TRPM7: variants seen among roughly 807,000 people sequenced by gnomAD.
TRPM7 encodes LTRPC ion channel family member 7.
A neutral mutation model predicts 229.7 loss-of-function variants in TRPM7; 134 were observed. That is an observed-to-expected ratio of 0.58 (90% CI 0.51 to 0.67). The LOEUF is 0.67. Ranked by LOEUF, TRPM7 falls within the 30% of genes least tolerant of loss-of-function variation. The probability of loss-of-function intolerance (pLI) is 0.00; values close to 1 mark genes in which losing one functional copy is unlikely to be tolerated. For synonymous variants in TRPM7, 699 were observed against 715.2 expected, an observed-to-expected ratio of 0.98 and a Z score of 0.36; for missense variants, 1,901 against 2,210.0, an observed-to-expected ratio of 0.86 and a Z score of 2.80.
At chr15:50,582,976 A>G in intron 29 of TRPM7, 113 bp downstream of exon 29, 1 of 718,824 alleles carries the variant, frequency 1.4e-6, no homozygotes, top group East Asian at 3.4e-5. Flanking sequence ...TTTTCTTAAG[A>G]AAAATTTTTT....
chr15:50,586,784 C>T (rs112772920), intron 27 of TRPM7, among the ~76,000 whole-genome samples: 5,346 of 152,088 alleles, frequency 0.035, 309 homozygotes, highest in African/African-American at 0.12. Flanking sequence ...TTTGGGAGGT[C>T]GAGGCGGGCG....
intron 13 of TRPM7, among the ~76,000 whole-genome samples, chr15:50,618,924 C>G (rs1172857855): frequency 1.3e-5 from 2 of 152,144 alleles, no homozygotes; most frequent in African/African-American, 4.8e-5. Context: ...TCCATTCACA[C>G]TGCTGCAAAG....
At chr15:50,593,590 C>A (rs1278832758) in intron 25 of TRPM7, 27 bp downstream of exon 25, 1 of 1,599,300 alleles carries the variant, frequency 6.3e-7, no homozygotes, top group Non-Finnish European at 8.5e-7. Flanking sequence ...TGACATATAA[C>A]CGATTTTAAC....
chr15:50,571,347 C>G (rs2053875737), intron 36 of TRPM7, among the ~76,000 whole-genome samples: 1 of 152,192 alleles, frequency 6.6e-6, no homozygotes, highest in South Asian at 2.1e-4. Context: ...GTACTAATCT[C>G]TTTTCTACAC....
rs944215975 is a variant in TRPM7, at chr15:50,604,818, T to A, written c.2988+48A>T. 48 of 1,498,470 alleles carry A rather than the reference T, an allele frequency of 3.2e-5. 1 individual carries two copies. Among genetic ancestry groups the A allele is most frequent in the Middle Eastern group, 3.6e-4 (2 of 5,608 alleles). 92.8% of individuals were successfully genotyped at this position (1,498,470 alleles called of 1,614,324 possible). A position where few individuals can be genotyped will look rare whatever the true frequency, so the allele number is the denominator to read the frequency against. On this transcript the variant is annotated intron_variant, in intron 21 of 38. Transcript: ENST00000646667. ...TGTTAATAACATTTTTGTGATTTTT[T>A]AAAAAATCAATAAACCCACGAGTAT...
At chr15:50,602,987 A>C (rs1224290969) in intron 21 of TRPM7, among the ~76,000 whole-genome samples, 1 of 152,218 alleles carries the variant, frequency 6.6e-6, no homozygotes, top group African/African-American at 2.4e-5. Context: ...GGTAAGCATA[A>C]GAGCTACAAC....
chr15:50,616,108 A>C (rs978838659), intron 13 of TRPM7, among the ~76,000 whole-genome samples: 1 of 152,184 alleles, frequency 6.6e-6, no homozygotes, highest in Admixed American at 6.5e-5. Context: ...AAAACCACAA[A>C]TGCCATTATA....
intron 3 of TRPM7, among the ~76,000 whole-genome samples, chr15:50,655,217 C>T (rs1659317639): frequency 6.6e-6 from 1 of 151,450 alleles, no homozygotes; most frequent in South Asian, 2.1e-4. Flanking sequence ...GGGCGAATCA[C>T]GAGGTCAGGA....
chr15:50,593,854 A>T (rs2059566877), intron 24 of TRPM7, 105 bp from the exon 25 acceptor site: 1 of 1,143,970 alleles, frequency 8.7e-7, no homozygotes, highest in African/African-American at 1.6e-5. Flanking sequence ...TACATCCATC[A>T]TCTGCACTTT....
intron 17 of TRPM7, among the ~76,000 whole-genome samples, chr15:50,610,222 A>AATT (rs1020456032): frequency 2.0e-5 from 3 of 152,070 alleles, no homozygotes; most frequent in African/African-American, 7.2e-5. Flanking sequence ...TAGATTTAAT[A>AATT]ATTATTATAG....
intron 1 of TRPM7, among the ~76,000 whole-genome samples, chr15:50,668,101 T>C (rs1283054577): frequency 6.6e-6 from 1 of 152,210 alleles, no homozygotes; most frequent in Non-Finnish European, 1.5e-5. Context: ...CATACAACTG[T>C]TGTCATGTTT....
At chr15:50,645,369 C>CTT (rs375721607) in intron 4 of TRPM7, among the ~76,000 whole-genome samples, 1 of 147,258 alleles carries the variant, frequency 6.8e-6, no homozygotes, top group African/African-American at 2.5e-5. Flanking sequence ...AGGATTTGTT[C>CTT]TTTTTTTTTT....
chr15:50,586,009 A>T (rs75369569), intron 28 of TRPM7, among the ~76,000 whole-genome samples: 7 of 103,092 alleles, frequency 6.8e-5, no homozygotes, highest in Admixed American at 3.0e-4. Flanking sequence ...AAATTTTCAG[A>T]GTGTGTGTAT....
chr15:50,572,555 A>C (rs908745867), intron 36 of TRPM7, among the ~76,000 whole-genome samples: 36 of 152,354 alleles, frequency 2.4e-4, no homozygotes, highest in African/African-American at 8.2e-4. Context: ...AATCCAAAAA[A>C]TTCATGTGAT....
intron 27 of TRPM7, among the ~76,000 whole-genome samples, chr15:50,587,324 T>A (rs2059369260): frequency 6.6e-6 from 1 of 151,734 alleles, no homozygotes; most frequent in Non-Finnish European, 1.5e-5. Context: ...GGTACTTAAA[T>A]CTCTACATTT....
Position 50,609,809 on chromosome 15 carries a change from G to T in TRPM7, c.2433C>A (p.Pro811=), listed in dbSNP as rs376197498. 2.5e-6 allele frequency: 4 copies of T among 1,607,904 alleles called. No individual in the cohort carries two copies. In the African/African-American group the frequency reaches 4.0e-5, roughly 16 times the overall value. ...TTTAAAATGTTTTCCTGCTTACCAT[G>T]GGGATCTCTTCTGTTATGTTCTGAA... ...NNFQNITEEI[P]MEVFKEVRIL... Residue 811 remains proline (P), a synonymous_variant, in exon 18 of 39, where the codon CCC becomes CCA. Coordinates refer to ENST00000646667, the MANE Select transcript of TRPM7 (RefSeq NM_017672.6).
At chr15:50,612,480 G>C in intron 16 of TRPM7, 69 bp downstream of exon 16, 1 of 1,428,920 alleles carries the variant, frequency 7.0e-7, no homozygotes, top group Non-Finnish European at 9.6e-7. Context: ...ACGTGGCACT[G>C]TAACAGCCAC....
chr15:50,637,516 T>C lies in TRPM7; in HGVS notation c.738A>G (p.Ile246Met). 1.9e-6 allele frequency: 3 copies of C among 1,614,120 alleles called. No homozygotes were observed. The highest frequency in any genetic ancestry group is 2.5e-6 in the Non-Finnish European group (3 of 1,180,022). The stretch of plus-strand genomic sequence containing the variant: ...TTCCAACAGTGCCATCATCCACCAA[T>C]ATGAAATGGGAATGCAGATTATTCA... ...NVLNNLHSHF[I>M]LVDDGTVGKY... The change falls in exon 7 of 39, where the codon ATA becomes ATG. Residue 246 changes from isoleucine to methionine, a missense_variant. By Grantham distance (10) the Ile-to-Met change is conservative. Around this residue, in one of 8 missense-constraint regions of TRPM7, gnomAD observed 794 missense variants for 881.9 expected, o/e 0.90. Coordinates refer to ENST00000646667, the MANE Select transcript of TRPM7 (RefSeq NM_017672.6).
intron 1 of TRPM7, among the ~76,000 whole-genome samples, chr15:50,674,822 G>C (rs918748767): frequency 6.6e-6 from 1 of 151,962 alleles, no homozygotes; most frequent in Non-Finnish European, 1.5e-5. Flanking sequence ...GTTTGTTTTT[G>C]TTTTTTTGTT....
Sources: allele counts gnomAD v4.1 joint callset (sites outside exome capture counted in the v4.1 genomes callset), GRCh38; gene constraint gnomAD v4.1.1; regional missense constraint gnomAD v4.1.1; transcripts MANE v1.5; gene names NCBI Gene and HGNC (gene_info 2026-07-23, HGNC 2026-07-21).